Variants in KALRN observed in about 807,000 individuals in gnomAD.
KALRN encodes the protein kalirin.
A neutral mutation model predicts 353.7 loss-of-function variants in KALRN; 70 were observed. That is an observed-to-expected ratio of 0.20 (90% confidence interval 0.16 to 0.24). KALRN has a LOEUF of 0.24. KALRN is among the 10% of genes least tolerant of loss of function. KALRN has a pLI of 1.00. For missense variants in KALRN, 2,791 were observed against 3,756.7 expected, an observed-to-expected ratio of 0.74 and a Z score of 6.72; for synonymous variants, 1,391 against 1,434.8, an observed-to-expected ratio of 0.97 and a Z score of 0.69.
intron 25 of KALRN, among the ~76,000 whole-genome samples, chr3:124,469,468 T>A (rs1290788739): frequency 6.6e-6 from 1 of 152,246 alleles, no homozygotes; most frequent in Non-Finnish European, 1.5e-5. Flanking sequence ...TCCAGTATGC[T>A]AACCGGCTAT....
chr3:124,054,974 C>A (rs889726944), intron 1 of KALRN, among the ~76,000 whole-genome samples: 4 of 33,134 alleles, frequency 1.2e-4, no homozygotes, highest in Admixed American at 4.4e-4. Flanking sequence ...AAATAGCTTA[C>A]TCAGTTAGCC....
At chr3:124,113,844 G>C (rs1453381168) in intron 1 of KALRN, among the ~76,000 whole-genome samples, 1 of 152,236 alleles carries the variant, frequency 6.6e-6, no homozygotes, top group Non-Finnish European at 1.5e-5. Flanking sequence ...GCAGGCATTA[G>C]AAGGCGTCAG....
chr3:124,124,959 G>GGT (rs2064468683), intron 1 of KALRN, among the ~76,000 whole-genome samples: 1 of 152,104 alleles, frequency 6.6e-6, no homozygotes, highest in Non-Finnish European at 1.5e-5. Flanking sequence ...ATACCTCTGA[G>GGT]GTATACCTGT....
chr3:124,571,403 A>G (rs563236336), intron 34 of KALRN, among the ~76,000 whole-genome samples: 2 of 152,204 alleles, frequency 1.3e-5, no homozygotes, highest in South Asian at 4.1e-4. Context: ...TTTCTCACTC[A>G]CAGACACCTG....
intron 6 of KALRN, among the ~76,000 whole-genome samples, chr3:124,316,703 A>G (rs2078847137): frequency 6.6e-6 from 1 of 152,158 alleles, no homozygotes; most frequent in African/African-American, 2.4e-5. Context: ...TCCCAGGCAT[A>G]TTTTATGTAA....
At chr3:124,668,152 A>G (rs1268929772) in intron 47 of KALRN, among the ~76,000 whole-genome samples, 1 of 151,884 alleles carries the variant, frequency 6.6e-6, no homozygotes, top group African/African-American at 2.4e-5. Flanking sequence ...CTACATGGCC[A>G]TACGTGCTCA....
chr3:124,634,650 G>C (rs895509337), intron 36 of KALRN, among the ~76,000 whole-genome samples: 2 of 152,170 alleles, frequency 1.3e-5, no homozygotes, highest in African/African-American at 2.4e-5. Flanking sequence ...GCAGCTTTAT[G>C]TTCTCCCTCA....
intron 33 of KALRN, among the ~76,000 whole-genome samples, chr3:124,555,463 A>G (rs868714134): frequency 7.1e-6 from 1 of 140,178 alleles, no homozygotes; most frequent in Admixed American, 7.1e-5. Context: ...ATAAATAAAT[A>G]AAGTTATCTT....
At chr3:124,605,963 C>G (rs1359338740) in intron 34 of KALRN, among the ~76,000 whole-genome samples, 1 of 152,194 alleles carries the variant, frequency 6.6e-6, no homozygotes, top group Non-Finnish European at 1.5e-5. Context: ...TGCATCTCTT[C>G]CAAGAGGGAG....
intron 33 of KALRN, among the ~76,000 whole-genome samples, chr3:124,531,903 AG>A (rs2068075650): frequency 6.6e-6 from 1 of 152,200 alleles, no homozygotes; most frequent in Non-Finnish European, 1.5e-5. Context: ...TCTCATATGT[AG>A]GGGGTCAGTG....
chr3:124,397,345 C>G (rs998158176), intron 12 of KALRN, among the ~76,000 whole-genome samples: 1 of 152,130 alleles, frequency 6.6e-6, no homozygotes, highest in Non-Finnish European at 1.5e-5. Flanking sequence ...GCCCTGTGAC[C>G]GGTAGACGGA....
chr3:124,451,660 C>T (rs1316095051), intron 21 of KALRN, among the ~76,000 whole-genome samples: 1 of 152,098 alleles, frequency 6.6e-6, no homozygotes, highest in African/African-American at 2.4e-5. Flanking sequence ...AAGATAGAAG[C>T]GATGTGTCTG....
intron 1 of KALRN, among the ~76,000 whole-genome samples, chr3:124,053,180 G>T (rs1364917296): frequency 6.6e-6 from 1 of 152,162 alleles, no homozygotes; most frequent in Non-Finnish European, 1.5e-5. Context: ...GGGACTCCAG[G>T]CATATGCCCA....
chr3:124,543,373 C>T (rs2069263819), intron 33 of KALRN, among the ~76,000 whole-genome samples: 4 of 151,368 alleles, frequency 2.6e-5, no homozygotes, highest in Non-Finnish European at 5.9e-5. Context: ...GTGATCTCGG[C>T]TCACTGCAAG....
chr3:124,457,397 C>G (rs1264686419), intron 23 of KALRN, among the ~76,000 whole-genome samples: 1 of 152,162 alleles, frequency 6.6e-6, no homozygotes, highest in African/African-American at 2.4e-5. Flanking sequence ...TAATTCCCAT[C>G]AATAGTGTCA....
chr3:124,391,462 G>C (rs1190667052), intron 11 of KALRN, among the ~76,000 whole-genome samples: 2 of 152,192 alleles, frequency 1.3e-5, no homozygotes, highest in African/African-American at 4.8e-5. Context: ...GCTTGTAGTA[G>C]CTTGACAGAA....
intron 1 of KALRN, among the ~76,000 whole-genome samples, chr3:124,185,587 A>G (rs2074119686): frequency 6.6e-6 from 1 of 151,694 alleles, no homozygotes; most frequent in African/African-American, 2.4e-5. Context: ...TCTGGTGCTG[A>G]CTCTGTCGTG....
At chr3:124,698,374 T>A (rs1034737282) in intron 55 of KALRN, among the ~76,000 whole-genome samples, 12 of 152,238 alleles carry the variant, frequency 7.9e-5, no homozygotes, top group Admixed American at 2.6e-4. Context: ...TTCCTTGTTG[T>A]GTCTTCCAAC....
intron 33 of KALRN, among the ~76,000 whole-genome samples, chr3:124,504,090 A>T (rs539399424): frequency 6.6e-6 from 1 of 152,294 alleles, no homozygotes; most frequent in Admixed American, 6.5e-5. Context: ...TTGGACCCGC[A>T]TAAAAATTTG....
Sources: allele counts gnomAD v4.1 joint callset (sites outside exome capture counted in the v4.1 genomes callset), GRCh38; gene constraint gnomAD v4.1.1; transcripts MANE v1.5; gene names NCBI Gene and HGNC (gene_info 2026-07-23, HGNC 2026-07-21).